Variants in SNED1 observed in about 807,000 individuals in gnomAD.
The protein encoded by SNED1 is sushi, nidogen and EGF-like domain-containing protein 1.
A neutral mutation model predicts 166.7 loss-of-function variants in SNED1; 81 were observed. The ratio of observed to expected loss-of-function variants is 0.49; its 90% CI spans 0.41 to 0.58. The LOEUF (loss-of-function observed/expected upper bound fraction) is 0.58, where lower values mean the gene tolerates loss of function less well. SNED1 is among the 20% of genes least tolerant of loss of function. The probability of loss-of-function intolerance (pLI) is 0.00; values close to 1 mark genes in which losing one functional copy is unlikely to be tolerated. For synonymous variants in SNED1, 762 were observed against 822.0 expected, an observed-to-expected ratio of 0.93 and a Z score of 1.25; for missense variants, 1,604 against 2,000.2, an observed-to-expected ratio of 0.80 and a Z score of 3.78.
At chr2:241,057,813 G>C (rs1024726066) in intron 16 of SNED1, among the ~76,000 whole-genome samples, 2 of 152,130 alleles carry the variant, frequency 1.3e-5, no homozygotes, top group Non-Finnish European at 2.9e-5. Context: ...GCAAAAAAAA[G>C]TGTCCTTTTC....
intron 31 of SNED1, among the ~76,000 whole-genome samples, chr2:241,090,945 T>A (rs2063930761): frequency 6.6e-6 from 1 of 152,022 alleles, no homozygotes; most frequent in Admixed American, 6.6e-5. Context: ...ATGGGACCAC[T>A]GTCATGCGCG....
In SNED1 at chr2:241,070,110, G is replaced by A. The variant is rs186778143; in HGVS notation, c.3498G>A (p.Pro1166=). ...LASYTVRDLL[P]GRRYQLSVIA... Reference sequence around the variant, plus strand: ...CCTACACGGTGCGCGACCTGCTGCCGGGACGGCGGTACCAGCTCTCTGTGA... The same window carrying A: ...CCTACACGGTGCGCGACCTGCTGCCAGGACGGCGGTACCAGCTCTCTGTGA... Residue 1166 remains proline (P), a synonymous_variant, in exon 24 of 32, where the codon CCG becomes CCA. Transcript: ENST00000310397. The A allele has an allele frequency of 1.5e-3, 2,419 of 1,612,826 alleles. 15 individuals are homozygous for A. In the African/African-American group the frequency reaches 0.018, roughly 12 times the overall value.
intron 26 of SNED1, chr2:241,072,541 A>G (rs2062783589): frequency 3.1e-6 from 1 of 321,396 alleles, no homozygotes; most frequent in African/African-American, 2.2e-5. Flanking sequence ...GAGCCTAGTC[A>G]CCAGTTTAAT....
rs144944648 is a variant in SNED1, at chr2:241,044,696, C to T, written c.1274-3619C>T. Among the ~76,000 whole-genome samples, 695 of 152,232 alleles carry T rather than the reference C, an allele frequency of 4.6e-3. 5 individuals carry two copies. The highest frequency in any genetic ancestry group is 0.016 in the African/African-American group (650 of 41,514). ...CTGACAGTGCAGAAGTTGGGGAATC[C>T]TCAAGTGCCCTTAAACTGCGAAGGA... On this transcript the variant is annotated intron_variant, in intron 8 of 31. Transcript: ENST00000310397.
At chr2:241,040,476 C>T (rs951504903) in intron 8 of SNED1, 63 bp downstream of exon 8, 2 of 1,025,770 alleles carry the variant, frequency 1.9e-6, no homozygotes, top group African/African-American at 3.2e-5. Context: ...TGAACACCCC[C>T]ATAGCCACTT....
intron 29 of SNED1, 149 bp from the exon 30 acceptor site, chr2:241,087,243 C>T (rs2063631586): frequency 6.3e-6 from 4 of 630,012 alleles, no homozygotes; most frequent in Non-Finnish European, 1.1e-5. Context: ...CATTTTAATA[C>T]ATCAATAGGA....
At chr2:241,011,543 C>T (rs2060403248) in intron 1 of SNED1, among the ~76,000 whole-genome samples, 3 of 152,244 alleles carry the variant, frequency 2.0e-5, no homozygotes, top group African/African-American at 7.2e-5. Context: ...TAGCCATGAA[C>T]AGGGGCGTCG....
intron 16 of SNED1, among the ~76,000 whole-genome samples, chr2:241,058,166 G>A (rs112553503): frequency 7.2e-4 from 110 of 152,202 alleles, no homozygotes; most frequent in African/African-American, 2.6e-3. Flanking sequence ...AAAAAGAAGA[G>A]TATAAGACGA....
At position 241,069,922 on chromosome 2, in the gene SNED1, C is replaced by A. The variant is rs1254109248; in HGVS notation, c.3310C>A (p.Pro1104Thr). The part of the protein sequence containing the change: ...ATAPTHVWTR[P>T]LPPANLTAAR... Reference sequence around the variant, plus strand: ...CTCCCTGCTCCTGCCTCATCCAGGGCCCCTGCCTCCAGCAAACCTGACCGC... The same window carrying A: ...CTCCCTGCTCCTGCCTCATCCAGGGACCCTGCCTCCAGCAAACCTGACCGC... The change falls in exon 24 of 32, where the codon CCC (proline) becomes ACC (threonine). Residue 1104 changes from proline to threonine, a missense_variant and splice_region_variant. This residue lies in a region of SNED1 where 1,237 missense variants were observed against 1,620.8 expected (regional missense o/e 0.76). Transcript: ENST00000310397. This position sits in a 1 kb window ranked among gnomAD's most constrained non-coding sequence, Gnocchi z 4.9. The A allele has an allele frequency of 6.2e-7, 1 of 1,611,944 alleles. No homozygotes were observed. Among genetic ancestry groups the A allele is most frequent in the Non-Finnish European group, 8.5e-7 (1 of 1,179,362 alleles).
At position 240,998,845 on chromosome 2, in the gene SNED1, A is replaced by C; in HGVS notation, c.8A>C (p.His3Pro). 1 of 1,203,750 alleles carries C rather than the reference A, an allele frequency of 8.3e-7. No homozygotes were observed. The highest frequency in any genetic ancestry group is 1.0e-6 in the Non-Finnish European group (1 of 971,586). The allele number at this position is 1,203,750 out of a possible 1,614,324, so 74.6% of individuals were successfully genotyped here. ...CGCCCGCACACCTCCGCGATGCGGC[A>C]CGGCGTCGCCTGGGCGCTGCTGGTG... MRHGVAWALLVAA... is the reference protein window; with the variant it reads MRPGVAWALLVAA... Residue 3 changes from histidine (H) to proline (P), a missense_variant, in exon 1 of 32, where the codon CAC becomes CCC. Coordinates refer to ENST00000310397, the MANE Select transcript of SNED1 (RefSeq NM_001080437.3).
chr2:241,086,245 G>A (rs765960519), intron 29 of SNED1, among the ~76,000 whole-genome samples: 2 of 152,194 alleles, frequency 1.3e-5, no homozygotes, highest in Admixed American at 6.5e-5. Context: ...CTCCTCAGTA[G>A]TTCTTCTTTG....
chr2:241,088,220 G>A (rs143416068), intron 30 of SNED1, 145 bp from the exon 31 acceptor site: 47 of 674,256 alleles, frequency 7.0e-5, no homozygotes, highest in Middle Eastern at 2.5e-4. Flanking sequence ...TCTCCACAGC[G>A]GTGTCTGGAC....
At chr2:241,078,139 C>CT (rs1352374274) in intron 27 of SNED1, among the ~76,000 whole-genome samples, 1 of 152,090 alleles carries the variant, frequency 6.6e-6, no homozygotes, top group Non-Finnish European at 1.5e-5. Context: ...AATCCCAGCA[C>CT]TTTGGGAGGC....
intron 14 of SNED1, 84 bp downstream of exon 14, chr2:241,052,241 G>A (rs1021894864): frequency 6.8e-6 from 10 of 1,471,774 alleles, no homozygotes; most frequent in Non-Finnish European, 8.5e-6. Context: ...GGCAGGGCTG[G>A]TCCAGGCCCT....
intron 31 of SNED1, chr2:241,090,534 G>T (rs946947568): frequency 8.6e-6 from 12 of 1,391,998 alleles, no homozygotes; most frequent in Non-Finnish European, 1.1e-5. Flanking sequence ...CTACATAATT[G>T]TATGTGCTAG....
chr2:241,028,660 C>T (rs988709973), intron 1 of SNED1, among the ~76,000 whole-genome samples: 6 of 152,152 alleles, frequency 3.9e-5, no homozygotes, highest in Non-Finnish European at 8.8e-5. Flanking sequence ...GTCTTTATGC[C>T]AGTACCACAC....
chr2:241,008,225 G>C (rs1425465146), intron 1 of SNED1, among the ~76,000 whole-genome samples: 1 of 152,252 alleles, frequency 6.6e-6, no homozygotes, highest in Admixed American at 6.5e-5. Context: ...AACAGAGTCA[G>C]TGCCGTGACC....
At position 241,069,064 on chromosome 2, in the gene SNED1, C is replaced by A; in HGVS notation, c.3307+41C>A. ...CGGCCCCCGGCACACGAAAGGCCGT[C>A]TTCTAGAAGCTCTGGCTTCCTTCCA... On this transcript the variant is annotated intron_variant, in intron 23 of 31. Transcript: ENST00000310397. This position sits in a 1 kb window ranked among gnomAD's most constrained non-coding sequence, Gnocchi z 4.9. The A allele has an allele frequency of 7.3e-7, 1 of 1,362,828 alleles. No homozygotes were observed. The highest frequency in any genetic ancestry group is 1.0e-6 in the Non-Finnish European group (1 of 987,568). The allele number at this position is 1,362,828 out of a possible 1,614,324, so 84.4% of individuals were successfully genotyped here.
chr2:241,049,696 G>A, intron 11 of SNED1, 121 bp from the exon 12 acceptor site: 1 of 686,730 alleles, frequency 1.5e-6, no homozygotes, highest in Non-Finnish European at 2.6e-6. Flanking sequence ...TGTATTTTCA[G>A]TGGCCTTGGT....
Sources: gnomAD v4.1 joint callset for allele counts (sites outside exome capture counted in the v4.1 genomes callset) on GRCh38, gnomAD v4.1.1 for gene constraint, gnomAD v4.1.1 regional missense constraint, Gnocchi (gnomAD v3.1) non-coding constraint, MANE v1.5 for transcripts, NCBI Gene and HGNC (gene_info 2026-07-23, HGNC 2026-07-21) for gene names.